The following ADCY2 variants were observed in gnomAD, a reference collection of about 807,000 sequenced individuals.
ADCY2 encodes adenylate cyclase type 2.
In ADCY2, 31 loss-of-function variants were observed where a neutral mutation model predicts 125.2. The ratio of observed to expected loss-of-function variants is 0.25; its 90% CI spans 0.19 to 0.33. The LOEUF is 0.33. Among genes scored for constraint, ADCY2 ranks in the 10% least tolerant of loss-of-function variants. The pLI is 1.00. For missense variants in ADCY2, 904 were observed against 1,418.2 expected (o/e 0.64, Z 5.82); for synonymous variants, 512 against 548.4 (o/e 0.93, Z 0.93).
intron 4 of ADCY2, among the ~76,000 whole-genome samples, chr5:7,682,358 C>T (rs916179307): frequency 2.0e-5 from 3 of 152,148 alleles, no homozygotes; most frequent in Non-Finnish European, 4.4e-5. Flanking sequence ...AGTTTATAGA[C>T]CCCCTTTAAG....
intron 4 of ADCY2, among the ~76,000 whole-genome samples, chr5:7,671,582 C>T (rs1352843248): frequency 6.6e-6 from 1 of 152,062 alleles, no homozygotes; most frequent in Non-Finnish European, 1.5e-5. Context: ...TCCGTGACAG[C>T]ATATGAATCA....
intron 14 of ADCY2, among the ~76,000 whole-genome samples, chr5:7,734,454 A>G (rs186121315): frequency 6.6e-6 from 1 of 152,346 alleles, no homozygotes. Flanking sequence ...ATTCCATAAC[A>G]ATGCACTTGA....
At chr5:7,760,059 G>A (rs908119227) in intron 16 of ADCY2, among the ~76,000 whole-genome samples, 1 of 152,176 alleles carries the variant, frequency 6.6e-6, no homozygotes. Flanking sequence ...GACACACCAC[G>A]AGCCACAAGA....
chr5:7,638,736 TC>T (rs1448148784), intron 4 of ADCY2, among the ~76,000 whole-genome samples: 1 of 152,290 alleles, frequency 6.6e-6, no homozygotes, highest in East Asian at 1.9e-4. Context: ...GTCGTCATCT[TC>T]CTAGCTGGCC....
At chr5:7,820,345 T>C (rs1486219426) in intron 23 of ADCY2, among the ~76,000 whole-genome samples, 2 of 151,888 alleles carry the variant, frequency 1.3e-5, no homozygotes, top group African/African-American at 4.8e-5. Context: ...ATACAAAAAA[T>C]TAGCCAGGTG....
At chr5:7,651,494 G>A (rs766521584) in intron 4 of ADCY2, among the ~76,000 whole-genome samples, 4 of 152,114 alleles carry the variant, frequency 2.6e-5, no homozygotes, top group Non-Finnish European at 4.4e-5. Context: ...TCCGATGTCC[G>A]AGGGCAGGAA....
chr5:7,777,651 T>C (rs1241319370), intron 18 of ADCY2, among the ~76,000 whole-genome samples: 3 of 152,256 alleles, frequency 2.0e-5, no homozygotes, highest in Admixed American at 6.5e-5. Flanking sequence ...TGTGACTTCG[T>C]CATGGCTCCT....
chr5:7,753,329 A>G (rs781208204), intron 15 of ADCY2, among the ~76,000 whole-genome samples: 1 of 152,186 alleles, frequency 6.6e-6, no homozygotes, highest in Non-Finnish European at 1.5e-5. Context: ...AGCTCACTGT[A>G]AGTAAGAGCC....
At chr5:7,507,440 CAAAAAAAAAAAA>C (rs766601693) in intron 2 of ADCY2, among the ~76,000 whole-genome samples, 1 of 46,984 alleles carries the variant, frequency 2.1e-5, no homozygotes, top group African/African-American at 1.1e-4. Flanking sequence ...GACTCCGTCT[CAAAAAAAAAAAA>C]AAAAAAAAAG....
At chr5:7,748,539 C>G (rs11750944) in intron 15 of ADCY2, among the ~76,000 whole-genome samples, 33 of 148,780 alleles carry the variant, frequency 2.2e-4, no homozygotes, top group Non-Finnish European at 3.6e-4. Flanking sequence ...CACACACACA[C>G]ACACACACAC....
intron 9 of ADCY2, among the ~76,000 whole-genome samples, chr5:7,708,356 A>G (rs897746970): frequency 6.6e-6 from 1 of 152,216 alleles, no homozygotes. Flanking sequence ...CTTCCGTAAC[A>G]TAAGAACATC....
chr5:7,486,101 CTGAA>C (rs533585793), intron 2 of ADCY2, among the ~76,000 whole-genome samples: 1 of 152,282 alleles, frequency 6.6e-6, no homozygotes, highest in African/African-American at 2.4e-5. Context: ...ATGAGAGAAA[CTGAA>C]TGAGTTCCTG....
intron 11 of ADCY2, 41 bp from the exon 12 acceptor site, chr5:7,717,116 C>T (rs374840499): frequency 3.3e-5 from 44 of 1,342,244 alleles, no homozygotes; most frequent in Admixed American, 6.0e-5. Context: ...ATTTATTTTA[C>T]TAATAATATC....
chr5:7,768,746 A>T (rs1238990926), intron 17 of ADCY2, among the ~76,000 whole-genome samples: 2 of 152,206 alleles, frequency 1.3e-5, no homozygotes, highest in South Asian at 2.1e-4. Context: ...ATTCTGAAAA[A>T]GCACACAATA....
chr5:7,402,114 A>G (rs1407822285), intron 1 of ADCY2, among the ~76,000 whole-genome samples: 1 of 152,172 alleles, frequency 6.6e-6, no homozygotes, highest in Non-Finnish European at 1.5e-5. Flanking sequence ...AGGGCAAGCT[A>G]TCATCATTAT....
chr5:7,669,680 C>T (rs1340270946), intron 4 of ADCY2, among the ~76,000 whole-genome samples: 3 of 152,158 alleles, frequency 2.0e-5, no homozygotes, highest in African/African-American at 7.2e-5. Context: ...AGTTACATCT[C>T]TCTCTATTTA....
intron 4 of ADCY2, among the ~76,000 whole-genome samples, chr5:7,674,160 G>A (rs374432796): frequency 4.6e-5 from 7 of 152,154 alleles, no homozygotes; most frequent in African/African-American, 1.7e-4. Context: ...ATCACTCCTT[G>A]CACTTGTGGT....
chr5:7,493,490 C>T (rs888484765), intron 2 of ADCY2, among the ~76,000 whole-genome samples: 1 of 152,052 alleles, frequency 6.6e-6, no homozygotes, highest in Non-Finnish European at 1.5e-5. Context: ...AAAATGGACA[C>T]CAACATGGAT....
At chr5:7,458,169 A>G (rs1304761703) in intron 2 of ADCY2, among the ~76,000 whole-genome samples, 1 of 152,230 alleles carries the variant, frequency 6.6e-6, no homozygotes, top group Non-Finnish European at 1.5e-5. Flanking sequence ...TGCTGCTTAC[A>G]TTATGACAGC....
Sources: allele counts gnomAD v4.1 joint callset (sites outside exome capture counted in the v4.1 genomes callset), GRCh38; gene constraint gnomAD v4.1.1; transcripts MANE v1.5; gene names NCBI Gene and HGNC (gene_info 2026-07-23, HGNC 2026-07-21).